The following TCTN1 variants were observed in gnomAD, a reference collection of about 807,000 sequenced individuals.
The protein encoded by TCTN1 is tectonic family member 1, also known as tectonic-1.
A neutral mutation model predicts 65.8 loss-of-function variants in TCTN1; 58 were observed. The ratio of observed to expected loss-of-function variants is 0.88; its 90% CI spans 0.71 to 1.10. TCTN1 has a LOEUF of 1.10. Ranked by LOEUF, TCTN1 falls within the 50% of genes least tolerant of loss-of-function variation. The pLI is 0.00. For synonymous variants in TCTN1, 273 were observed against 289.1 expected, an observed-to-expected ratio of 0.94 and a Z score of 0.57; for missense variants, 645 against 719.4, an observed-to-expected ratio of 0.90 and a Z score of 1.18.
intron 7 of TCTN1, among the ~76,000 whole-genome samples, chr12:110,638,862 G>A (rs1402143458): frequency 6.6e-6 from 1 of 152,214 alleles, no homozygotes; most frequent in East Asian, 1.9e-4. Flanking sequence ...TGTTAAACAA[G>A]AGCTAATTGA....
intron 3 of TCTN1, chr12:110,628,155 A>G (rs2065979146): frequency 6.5e-7 from 1 of 1,536,080 alleles, no homozygotes; most frequent in South Asian, 1.2e-5. Flanking sequence ...AGGTTGATAC[A>G]GCAAACTCAT....
Position 110,649,128 on chromosome 12 carries a change from C to G in TCTN1, c.*87C>G. ...GAGATTAAATTTTATATACAACTAGCAATTGTCCAGCTTTGTTGCTCATTT... is the reference window on the plus strand; with the variant it reads ...GAGATTAAATTTTATATACAACTAGGAATTGTCCAGCTTTGTTGCTCATTT... On this transcript the variant is annotated 3_prime_UTR_variant, in exon 15 of 15. Transcript: ENST00000397659. 1.5e-6 allele frequency: 1 copy of G among 666,630 alleles called. No homozygotes were observed. The allele number at this position is 666,630 out of a possible 1,614,324, so 41.3% of individuals were successfully genotyped here.
At chr12:110,634,561 C>G (rs2066434488) in intron 5 of TCTN1, 109 bp from the exon 6 acceptor site, 1 of 832,388 alleles carries the variant, frequency 1.2e-6, no homozygotes, top group South Asian at 1.6e-5. Context: ...TGTGTTGTAA[C>G]TTATTTTACA....
chr12:110,630,136 A>G (rs539548483), intron 4 of TCTN1: 1 of 152,334 alleles, frequency 6.6e-6, no homozygotes, highest in South Asian at 2.1e-4. Flanking sequence ...TGATGGGTTG[A>G]TGAGTGCAGT....
intron 2 of TCTN1, among the ~76,000 whole-genome samples, chr12:110,621,415 T>A (rs2065421885): frequency 6.6e-6 from 1 of 152,124 alleles, no homozygotes; most frequent in Non-Finnish European, 1.5e-5. Flanking sequence ...AGTCATTCTG[T>A]TTTCCTCCCT....
intron 2 of TCTN1, 117 bp downstream of exon 2, chr12:110,620,073 G>A (rs1168583512): frequency 7.4e-6 from 11 of 1,494,768 alleles, no homozygotes; most frequent in African/African-American, 2.8e-5. Flanking sequence ...AGTGTTTTAC[G>A]TCGTTCTGAA....
chr12:110,614,159 G>A lies in TCTN1; in HGVS notation c.-24G>A, dbSNP rs769557354. On this transcript the variant is annotated 5_prime_UTR_variant, in exon 1 of 15. Coordinates refer to ENST00000397659, the MANE Select transcript of TCTN1 (RefSeq NM_001082538.3). ...CGGGCAACGCGCTGTCCATGTCGCG[G>A]GCCTCGCTGGGACTCCCTGGGAGAT... 3 of 1,546,940 alleles carry A rather than the reference G, an allele frequency of 1.9e-6. No homozygotes were observed. The South Asian group carries it at 3.6e-5, about 18-fold the overall frequency.
intron 2 of TCTN1, chr12:110,625,595 AT>A (rs1593260598): frequency 1.3e-5 from 2 of 151,946 alleles, no homozygotes; most frequent in East Asian, 3.9e-4. Context: ...AAATACAAAA[AT>A]TAGCCAGGCA....
intron 1 of TCTN1, 43 bp from the exon 2 acceptor site, chr12:110,619,793 G>C: frequency 6.2e-7 from 1 of 1,613,342 alleles, no homozygotes; most frequent in Non-Finnish European, 8.5e-7. Context: ...GTCACCACCT[G>C]CTGATGGTGA....
At chr12:110,615,046 C>G (rs913057417) in intron 1 of TCTN1, among the ~76,000 whole-genome samples, 17 of 152,204 alleles carry the variant, frequency 1.1e-4, no homozygotes, top group Non-Finnish European at 4.4e-5. Context: ...AATCCCAGCA[C>G]TTTGGGAGGT....
intron 7 of TCTN1, 119 bp downstream of exon 7, chr12:110,636,620 A>G: frequency 1.6e-6 from 1 of 635,488 alleles, no homozygotes; most frequent in South Asian, 1.7e-5. Context: ...TGCTAATAGC[A>G]AATACATTTG....
In TCTN1 at chr12:110,640,481, T is replaced by C; in HGVS notation, c.942T>C (p.Ala314=). The C allele has an allele frequency of 6.2e-7, 1 of 1,614,252 alleles. No homozygotes were observed. The highest frequency in any genetic ancestry group is 1.3e-5 in the African/African-American group (1 of 75,060). The change falls in exon 8 of 15, where the codon GCT becomes GCC. Residue 314 remains alanine, a synonymous_variant. Coordinates refer to ENST00000397659, the MANE Select transcript of TCTN1 (RefSeq NM_001082538.3). This position sits in a 1 kb window ranked among gnomAD's most constrained non-coding sequence, Gnocchi z 4.9. ...TGCTGCAGCCGACTCTCGTCAACGC[T>C]GGACACTTTAGCCTTTGCGTGAATG... The part of the protein sequence containing the change: ...TDVLQPTLVN[A]GHFSLCVNVV...
intron 2 of TCTN1, among the ~76,000 whole-genome samples, chr12:110,621,857 G>T (rs2065454383): frequency 6.6e-6 from 1 of 151,900 alleles, no homozygotes. Context: ...AGTTGAATTG[G>T]CTGGGCATGG....
Position 110,614,325 on chromosome 12 carries a change from TC to T in TCTN1, c.146del (p.Pro49ArgfsTer81). Reference sequence around the variant, plus strand: ...GCAGCCCTGGCCACCTTCGGAACTTTCCCGTCGACCAGGCCCCCCGGGACTC... The same window carrying T: ...GCAGCCCTGGCCACCTTCGGAACTTTCCGTCGACCAGGCCCCCCGGGACTC... Reference protein sequence around the residue: ...TEAALATFGTFPSTRPPGTPR... With the variant: ...TEAALATFGTXPSTRPPGTPR... On this transcript the variant is annotated frameshift_variant, in exon 1 of 15. Coordinates refer to ENST00000397659, the MANE Select transcript of TCTN1 (RefSeq NM_001082538.3). LOFTEE classifies it high-confidence loss of function. 1 of 1,605,738 alleles carries T rather than the reference TC, an allele frequency of 6.2e-7. No individual in the cohort carries two copies. The highest frequency in any genetic ancestry group is 8.5e-7 in the Non-Finnish European group (1 of 1,176,964).
At chr12:110,628,355 T>A (rs2065991025) in intron 3 of TCTN1, 1 of 1,065,612 alleles carries the variant, frequency 9.4e-7, no homozygotes, top group African/African-American at 1.6e-5. Flanking sequence ...TTTTTTTTTT[T>A]TTTGAGATGA....
At position 110,628,776 on chromosome 12, in the gene TCTN1, C is replaced by T. The variant is rs768048834; in HGVS notation, c.482C>T (p.Ala161Val). 3.1e-6 allele frequency: 5 copies of T among 1,601,562 alleles called. No homozygotes were observed. The South Asian group carries it at 5.5e-5, about 18-fold the overall frequency. The change falls in exon 4 of 15, where the codon GCA becomes GTA. Residue 161 changes from alanine to valine, a missense_variant. Ala to Val is a moderately conservative substitution (Grantham distance 64). Coordinates refer to ENST00000397659, the MANE Select transcript of TCTN1 (RefSeq NM_001082538.3). ...TTTTTTTAAAAAACAGATAAACCTGCATTATCCTTTATTAATCCAGAAGTA... is the reference window on the plus strand; with the variant it reads ...TTTTTTTAAAAAACAGATAAACCTGTATTATCCTTTATTAATCCAGAAGTA... ...FCIHITNYKP[A>V]LSFINPEVPD... is the part of the protein sequence containing the mutation.
chr12:110,641,811 G>C, intron 10 of TCTN1, 184 bp downstream of exon 10: 1 of 616,842 alleles, frequency 1.6e-6, no homozygotes, highest in East Asian at 2.8e-5. Flanking sequence ...GGGCTGGGGG[G>C]AGACTGGCAG....
chr12:110,634,935 C>CA, intron 6 of TCTN1, 156 bp downstream of exon 6: 3 of 567,482 alleles, frequency 5.3e-6, no homozygotes, highest in Non-Finnish European at 9.2e-6. Context: ...TTGAAATAAT[C>CA]CTTTAAATAA....
At chr12:110,641,799 G>A (rs1240451188) in intron 10 of TCTN1, among the ~76,000 whole-genome samples, 172 bp downstream of exon 10, 1 of 152,122 alleles carries the variant, frequency 6.6e-6, no homozygotes, top group Non-Finnish European at 1.5e-5. Flanking sequence ...TACACAGCAG[G>A]TGGGCTGGGG....
Sources: allele counts gnomAD v4.1 joint callset (sites outside exome capture counted in the v4.1 genomes callset), GRCh38; gene constraint gnomAD v4.1.1; non-coding constraint Gnocchi (gnomAD v3.1); transcripts MANE v1.5; gene names NCBI Gene and HGNC (gene_info 2026-07-23, HGNC 2026-07-21).